LGR5: variants seen among roughly 807,000 people sequenced by gnomAD.
LGR5 encodes the protein leucine-rich repeat-containing G protein-coupled receptor 5.
In LGR5, 54 loss-of-function variants were observed where a neutral mutation model predicts 76.7. That is an observed-to-expected ratio of 0.70 (90% CI 0.57 to 0.88). The LOEUF (loss-of-function observed/expected upper bound fraction) is 0.88. LGR5 is among the 40% of genes least tolerant of loss of function. The pLI is 0.00. For missense variants in LGR5, 1,078 were observed against 1,073.3 expected (o/e 1.00, Z -0.06); for synonymous variants, 406 against 421.9 (o/e 0.96, Z 0.46).
chr12:71,536,034 T>G (rs1162556917), intron 4 of LGR5, among the ~76,000 whole-genome samples: 1 of 152,198 alleles, frequency 6.6e-6, no homozygotes, highest in Non-Finnish European at 1.5e-5. Flanking sequence ...TTAGAATGTA[T>G]AAGTGTTTAC....
At chr12:71,499,908 G>T (rs1290613991) in intron 1 of LGR5, among the ~76,000 whole-genome samples, 4 of 152,028 alleles carry the variant, frequency 2.6e-5, no homozygotes, top group Non-Finnish European at 5.9e-5. Flanking sequence ...AGATGACCCA[G>T]AATGAGGAGA....
chr12:71,440,184 CCA>C lies in LGR5; in HGVS notation c.110_111del (p.His37LeufsTer80). 2 of 1,612,152 alleles carry C rather than the reference CCA, an allele frequency of 1.2e-6. No individual in the cohort carries two copies. Among genetic ancestry groups the C allele is most frequent in the South Asian group, 2.2e-5 (2 of 90,932 alleles). On this transcript the variant is annotated frameshift_variant, in exon 1 of 18. Transcript: ENST00000266674. LOFTEE classifies it high-confidence loss of function. The surrounding 1 kb of genome is among the most constrained non-coding windows in gnomAD (Gnocchi z 5.3). ...TCTGGTGTGTTGCTGAGGGGCTGCCCCACACACTGTCATTGCGAGCCCGACGG... is the reference window on the plus strand; with the variant it reads ...TCTGGTGTGTTGCTGAGGGGCTGCCCCACACTGTCATTGCGAGCCCGACGG...
Position 71,440,381 on chromosome 12 carries a change from G to T in LGR5, c.212+89G>T. 2.3e-6 allele frequency: 3 copies of T among 1,289,336 alleles called. No homozygotes were observed. The highest frequency in any genetic ancestry group is 3.3e-6 in the Non-Finnish European group (3 of 913,776). The allele number at this position is 1,289,336 out of a possible 1,614,324, so 79.9% of individuals were successfully genotyped here. Reference sequence around the variant, plus strand: ...CGAGGCTGGAGGCTCCTCGGCGCCCGCCTGCTCGTGGGGGAGGGGGGCGAG... The same window carrying T: ...CGAGGCTGGAGGCTCCTCGGCGCCCTCCTGCTCGTGGGGGAGGGGGGCGAG... On this transcript the variant is annotated intron_variant, in intron 1 of 17. Transcript: ENST00000266674. This position sits in a 1 kb window ranked among gnomAD's most constrained non-coding sequence, Gnocchi z 5.3.
chr12:71,499,513 T>G (rs67863976), intron 1 of LGR5, among the ~76,000 whole-genome samples: 6,420 of 152,156 alleles, frequency 0.042, 145 homozygotes, highest in African/African-American at 0.066. Flanking sequence ...GAGATCAAGA[T>G]AGAAACCCAC....
intron 2 of LGR5, among the ~76,000 whole-genome samples, chr12:71,518,566 C>T (rs193273812): frequency 5.9e-5 from 9 of 152,210 alleles, no homozygotes; most frequent in African/African-American, 1.9e-4. Flanking sequence ...CATTGCAGCA[C>T]GATTCGCAAT....
chr12:71,557,113 TAA>T (rs1877808873), intron 6 of LGR5, among the ~76,000 whole-genome samples: 1 of 152,092 alleles, frequency 6.6e-6, no homozygotes, highest in Admixed American at 6.6e-5. Context: ...TGGCTCATGC[TAA>T]AGCAATTCAA....
At chr12:71,539,856 C>A (rs975942554) in intron 4 of LGR5, among the ~76,000 whole-genome samples, 18 of 152,196 alleles carry the variant, frequency 1.2e-4, no homozygotes, top group Non-Finnish European at 1.5e-5. Flanking sequence ...CAAGCCAGAG[C>A]CCAGAAGCCC....
At chr12:71,521,226 G>T (rs1426042332) in intron 2 of LGR5, among the ~76,000 whole-genome samples, 1 of 152,172 alleles carries the variant, frequency 6.6e-6, no homozygotes, top group Non-Finnish European at 1.5e-5. Context: ...AGGCAAGTAT[G>T]ATACCATACC....
chr12:71,456,707 C>T (rs1872493795), intron 1 of LGR5, among the ~76,000 whole-genome samples: 1 of 152,154 alleles, frequency 6.6e-6, no homozygotes, highest in Non-Finnish European at 1.5e-5. Context: ...CCAGTTTTTA[C>T]AGTCACAGAA....
At chr12:71,567,960 A>G (rs1565766196) in intron 11 of LGR5, among the ~76,000 whole-genome samples, 1 of 152,202 alleles carries the variant, frequency 6.6e-6, no homozygotes, top group Non-Finnish European at 1.5e-5. Context: ...ATTCAAATAC[A>G]ATCAATTTGA....
chr12:71,482,450 A>G (rs540192760), intron 1 of LGR5, among the ~76,000 whole-genome samples: 8 of 152,106 alleles, frequency 5.3e-5, no homozygotes, highest in Non-Finnish European at 1.2e-4. Context: ...TCTATGTCCA[A>G]ATTTTCTCCT....
At chr12:71,553,754 C>T (rs1044792164) in intron 5 of LGR5, among the ~76,000 whole-genome samples, 1 of 152,104 alleles carries the variant, frequency 6.6e-6, no homozygotes, top group African/African-American at 2.4e-5. Context: ...TTGCCCACTG[C>T]CCAAATAGAG....
chr12:71,508,344 G>A (rs1445370936), intron 2 of LGR5, among the ~76,000 whole-genome samples: 1 of 152,194 alleles, frequency 6.6e-6, no homozygotes, highest in Admixed American at 6.5e-5. Flanking sequence ...TATAAACTGT[G>A]TAGATAGCCA....
intron 2 of LGR5, among the ~76,000 whole-genome samples, chr12:71,521,412 GTTT>G (rs1486862817): frequency 6.6e-6 from 1 of 152,136 alleles, no homozygotes; most frequent in African/African-American, 2.4e-5. Context: ...GTTCCTTCTG[GTTT>G]TTTGTTGTTC....
chr12:71,509,607 ATGT>A (rs1384169257), intron 2 of LGR5, among the ~76,000 whole-genome samples: 1 of 152,182 alleles, frequency 6.6e-6, no homozygotes, highest in African/African-American at 2.4e-5. Context: ...TGTAGTAGAG[ATGT>A]TGGGAGCTAA....
At chr12:71,565,663 T>C (rs1355095522) in intron 8 of LGR5, among the ~76,000 whole-genome samples, 2 of 150,766 alleles carry the variant, frequency 1.3e-5, no homozygotes, top group African/African-American at 2.4e-5. Context: ...ATGACAGCTT[T>C]TTAATGAATC....
Position 71,446,509 on chromosome 12 carries a change from A to C in LGR5, c.212+6217A>C, listed in dbSNP as rs371935436. 2.6e-3 allele frequency among the ~76,000 whole-genome samples: 401 copies of C among 152,296 alleles called. 3 individuals carry two copies. Among genetic ancestry groups the C allele is most frequent in the African/African-American group, 8.9e-3 (372 of 41,572 alleles). On this transcript the variant is annotated intron_variant, in intron 1 of 17. Transcript: ENST00000266674. ...TGGTGGGGCAACTTGTGACGTTAGG[A>C]ATGATAATAGTACCTCTTATTAGGT...
chr12:71,499,073 T>C, intron 1 of LGR5, among the ~76,000 whole-genome samples: 1 of 152,254 alleles, frequency 6.6e-6, no homozygotes, highest in South Asian at 2.1e-4. Flanking sequence ...CTGGTAGCAC[T>C]CAGTATCCTG....
intron 1 of LGR5, among the ~76,000 whole-genome samples, chr12:71,475,795 T>C (rs1356172700): frequency 6.6e-6 from 1 of 152,234 alleles, no homozygotes; most frequent in Non-Finnish European, 1.5e-5. Flanking sequence ...AAGAGATTAA[T>C]TCCTAATCAG....
Sources: gnomAD v4.1 joint callset for allele counts (sites outside exome capture counted in the v4.1 genomes callset) on GRCh38, gnomAD v4.1.1 for gene constraint, Gnocchi (gnomAD v3.1) non-coding constraint, MANE v1.5 for transcripts, NCBI Gene and HGNC (gene_info 2026-07-23, HGNC 2026-07-21) for gene names.